CRLF1: variants seen among roughly 807,000 people sequenced by gnomAD.
The protein encoded by CRLF1 is cytokine receptor like factor 1.
In CRLF1, 36 loss-of-function variants were observed where a neutral mutation model predicts 48.9. That is an observed-to-expected ratio of 0.74 (90% confidence interval 0.56 to 0.97). The LOEUF is 0.97. Ranked by LOEUF, CRLF1 falls within the 50% of genes least tolerant of loss-of-function variation. The probability of loss-of-function intolerance (pLI) is 0.00; values close to 1 mark genes in which losing one functional copy is unlikely to be tolerated. For synonymous variants in CRLF1, 256 were observed against 253.4 expected, an observed-to-expected ratio of 1.01 and a Z score of -0.10; for missense variants, 534 against 575.1, an observed-to-expected ratio of 0.93 and a Z score of 0.73.
Position 18,596,677 on chromosome 19 carries a change from T to C in CRLF1, c.969A>G (p.Lys323=), listed in dbSNP as rs1202689048. The C allele has an allele frequency of 3.1e-6, 5 of 1,613,892 alleles. No homozygotes were observed. The highest frequency in any genetic ancestry group is 4.2e-6 in the Non-Finnish European group (5 of 1,180,010). The change falls in exon 6 of 9, where the codon AAA becomes AAG. Residue 323 remains lysine, a synonymous_variant. Transcript: ENST00000392386. The part of the protein sequence containing the change: ...CNPFGIYGSK[K]AGIWSEWSHP... ...GGCTCCACTCACTCCAGATCCCGGC[T>C]TTCTTGGAGCCATAGATGCCAAAGG... is the stretch of plus-strand genomic sequence containing the variant.
intron 6 of CRLF1, 81 bp downstream of exon 6, chr19:18,596,541 A>T: frequency 6.5e-7 from 1 of 1,533,830 alleles, no homozygotes; most frequent in East Asian, 2.3e-5. Flanking sequence ...AGAAAAAAAA[A>T]AGAAAAGAAA....
intron 6 of CRLF1, among the ~76,000 whole-genome samples, chr19:18,595,917 G>C (rs1485359861): frequency 1.3e-5 from 2 of 152,192 alleles, no homozygotes; most frequent in Non-Finnish European, 2.9e-5. Context: ...CTTAGAAGCA[G>C]GGGTCTCAAA....
Position 18,602,736 on chromosome 19 carries a change from C to G in CRLF1, c.116-2890G>C, listed in dbSNP as rs143387841. Among the ~76,000 whole-genome samples, 473 of 151,738 alleles carry G rather than the reference C, an allele frequency of 3.1e-3. 8 individuals carry two copies. The highest frequency in any genetic ancestry group is 0.029 in the Admixed American group (436 of 15,262). ...AATATTTTCCCATGAGATCTTTAAA[C>G]CAAGTTGACCTGGACTCGAATGCCC... On this transcript the variant is annotated intron_variant, in intron 1 of 8. Coordinates refer to ENST00000392386, the MANE Select transcript of CRLF1 (RefSeq NM_004750.5).
At chr19:18,597,620 C>G (rs1329828773) in intron 4 of CRLF1, among the ~76,000 whole-genome samples, 1 of 151,824 alleles carries the variant, frequency 6.6e-6, no homozygotes, top group African/African-American at 2.4e-5. Flanking sequence ...TTAGTAGAGA[C>G]GGGGTTTCAC....
At position 18,606,676 on chromosome 19, in the gene CRLF1, G is replaced by A; in HGVS notation, c.-20C>T. 1.9e-6 allele frequency: 1 copy of A among 537,942 alleles called. No homozygotes were observed. The highest frequency in any genetic ancestry group is 2.4e-6 in the Non-Finnish European group (1 of 424,620). The allele number at this position is 537,942 out of a possible 1,614,324, so 33.3% of individuals were successfully genotyped here. Reference sequence around the variant, plus strand: ...GGGCATGGGGCCGGCGCTGCCGGGGGCGCGCGGCGGGCTGCGGCTCGGCGG... The same window carrying A: ...GGGCATGGGGCCGGCGCTGCCGGGGACGCGCGGCGGGCTGCGGCTCGGCGG... On this transcript the variant is annotated 5_prime_UTR_variant, in exon 1 of 9. Coordinates refer to ENST00000392386, the MANE Select transcript of CRLF1 (RefSeq NM_004750.5). This position sits in a 1 kb window ranked among gnomAD's most constrained non-coding sequence, Gnocchi z 4.8.
intron 6 of CRLF1, among the ~76,000 whole-genome samples, chr19:18,594,917 G>A (rs1976111088): frequency 6.6e-6 from 1 of 152,152 alleles, no homozygotes; most frequent in Non-Finnish European, 1.5e-5. Context: ...ATCAGGGTAG[G>A]ACAGAAACCC....
chr19:18,596,736 C>G lies in CRLF1; in HGVS notation c.910G>C (p.Gly304Arg), dbSNP rs771881717. Residue 304 changes from glycine to arginine, a missense_variant, in exon 6 of 9, where the codon GGC (glycine) becomes CGC (arginine). Transcript: ENST00000392386. ...TSCRLAGLKP[G>R]TVYFVQVRCN... ...CGCACTTGCACGAAGTACACGGTGC[C>G]GGGTTTCAGGCCGGCCAGGCGGCAG... 1.2e-5 allele frequency: 19 copies of G among 1,614,016 alleles called. No individual in the cohort carries two copies. In the South Asian group the frequency reaches 1.6e-4, roughly 14 times the overall value.
chr19:18,603,067 G>A lies in CRLF1; in HGVS notation c.116-3221C>T, dbSNP rs183443966. 1.8e-4 allele frequency among the ~76,000 whole-genome samples: 28 copies of A among 152,298 alleles called. No individual in the cohort carries two copies. In the East Asian group the frequency reaches 3.7e-3, roughly 20 times the overall value. Reference sequence around the variant, plus strand: ...GGGGCTTCTCGTTCCACACAGAGTGGTTGTAAAGACTCATCCACGCCTTTG... The same window carrying A: ...GGGGCTTCTCGTTCCACACAGAGTGATTGTAAAGACTCATCCACGCCTTTG... On this transcript the variant is annotated intron_variant, in intron 1 of 8. Coordinates refer to ENST00000392386, the MANE Select transcript of CRLF1 (RefSeq NM_004750.5).
intron 1 of CRLF1, among the ~76,000 whole-genome samples, chr19:18,603,920 C>T (rs973902716): frequency 1.3e-5 from 2 of 151,970 alleles, no homozygotes; most frequent in African/African-American, 4.8e-5. Flanking sequence ...GCCAGGGGAC[C>T]GCCCTGGAGG....
chr19:18,601,275 C>A (rs1033141469), intron 1 of CRLF1, among the ~76,000 whole-genome samples: 1 of 151,414 alleles, frequency 6.6e-6, no homozygotes, highest in South Asian at 2.1e-4. Flanking sequence ...ATTAAGAGCA[C>A]CATGTTTTTT....
intron 2 of CRLF1, chr19:18,599,166 T>TTTC: frequency 1.0e-6 from 1 of 954,416 alleles, no homozygotes; most frequent in Non-Finnish European, 1.2e-6. Context: ...AGTGCAATGG[T>TTTC]GCCATCTCAG....
At chr19:18,597,893 T>TG (rs1215788055) in intron 4 of CRLF1, among the ~76,000 whole-genome samples, 3 of 151,270 alleles carry the variant, frequency 2.0e-5, no homozygotes, top group Non-Finnish European at 3.0e-5. Context: ...ATGTGTGTGT[T>TG]GGGGGGTTCT....
Position 18,594,112 on chromosome 19 carries a change from G to A in CRLF1, c.1213-5C>T, listed in dbSNP as rs1438914328. 7.0e-6 allele frequency: 11 copies of A among 1,571,114 alleles called. No homozygotes were observed. In the African/African-American group the frequency reaches 1.2e-4, roughly 18 times the overall value. On this transcript the variant is annotated splice_polypyrimidine_tract_variant and splice_region_variant and intron_variant, in intron 7 of 8. Transcript: ENST00000392386. Reference sequence around the variant, plus strand: ...CGAGGGCAGGATCCCCTCGTCCTGTGCTTGGAAGGAAGGCAGAGGTGTCGT... The same window carrying A: ...CGAGGGCAGGATCCCCTCGTCCTGTACTTGGAAGGAAGGCAGAGGTGTCGT...
rs1976100450 is a variant in CRLF1, at chr19:18,594,356, T to C, written c.1103A>G (p.Lys368Arg). 1 of 1,610,912 alleles carries C rather than the reference T, an allele frequency of 6.2e-7. No homozygotes were observed. The highest frequency in any genetic ancestry group is 1.3e-5 in the African/African-American group (1 of 74,624). Residue 368 changes from lysine (K) to arginine (R), a missense_variant, in exon 7 of 9, where the codon AAG (lysine) becomes AGG (arginine). Physicochemically the swap from Lys to Arg is conservative, Grantham distance 26. Coordinates refer to ENST00000392386, the MANE Select transcript of CRLF1 (RefSeq NM_004750.5). ...PSSGPVRREL[K>R]QFLGWLKKHA... ...CTTCTTGAGCCAGCCCAGGAACTGCTTGAGCTCGCGCCGCACCGGCCCCGA... is the reference window on the plus strand; with the variant it reads ...CTTCTTGAGCCAGCCCAGGAACTGCCTGAGCTCGCGCCGCACCGGCCCCGA...
chr19:18,594,559 A>C, intron 6 of CRLF1, 125 bp from the exon 7 acceptor site: 7 of 696,214 alleles, frequency 1.0e-5, no homozygotes, highest in East Asian at 8.1e-5. Context: ...CCGTTTCTCA[A>C]GGACCGAGTC....
chr19:18,597,321 G>C (rs1209325533), intron 4 of CRLF1, among the ~76,000 whole-genome samples: 1 of 152,042 alleles, frequency 6.6e-6, no homozygotes, highest in Non-Finnish European at 1.5e-5. Flanking sequence ...CAGCCATTGC[G>C]GGGTTGATGA....
chr19:18,594,032 T>TGGGCCG, intron 8 of CRLF1, 33 bp downstream of exon 8: 3 of 695,812 alleles, frequency 4.3e-6, no homozygotes, highest in Non-Finnish European at 6.6e-6. Flanking sequence ...CTCCCCTTGC[T>TGGGCCG]CCCTCCCGCC....
intron 4 of CRLF1, among the ~76,000 whole-genome samples, chr19:18,597,948 C>A (rs1416030097): frequency 6.6e-6 from 1 of 151,526 alleles, no homozygotes; most frequent in African/African-American, 2.4e-5. Flanking sequence ...GTGAGCTGGC[C>A]TCTCCCCCTG....
At chr19:18,594,543 C>T in intron 6 of CRLF1, 109 bp from the exon 7 acceptor site, 1 of 849,954 alleles carries the variant, frequency 1.2e-6, no homozygotes, top group Non-Finnish European at 1.6e-6. Flanking sequence ...CGGGGAACCT[C>T]CCTCCCCGTT....
Sources: gnomAD v4.1 joint callset for allele counts (sites outside exome capture counted in the v4.1 genomes callset) on GRCh38, gnomAD v4.1.1 for gene constraint, Gnocchi (gnomAD v3.1) non-coding constraint, MANE v1.5 for transcripts, NCBI Gene and HGNC (gene_info 2026-07-23, HGNC 2026-07-21) for gene names.